The following RAB38 variants were observed in gnomAD, a reference collection of about 807,000 sequenced individuals.
The protein encoded by RAB38 is ras-related protein Rab-38.
A neutral mutation model predicts 18.4 loss-of-function variants in RAB38; 15 were observed. The ratio of observed to expected loss-of-function variants is 0.82; its 90% CI spans 0.55 to 1.26. RAB38 has a LOEUF of 1.26. Ranked by LOEUF, RAB38 falls within the 50% of genes most tolerant of loss-of-function variation. The probability of loss-of-function intolerance (pLI) is 0.00; values close to 1 mark genes in which losing one functional copy is unlikely to be tolerated. For synonymous variants in RAB38, 101 were observed against 104.4 expected (o/e 0.97, Z 0.20); for missense variants, 294 against 267.4 (o/e 1.10, Z -0.69).
chr11:88,135,025 C>G (rs1053251738), intron 2 of RAB38, among the ~76,000 whole-genome samples: 2 of 152,162 alleles, frequency 1.3e-5, no homozygotes, highest in African/African-American at 4.8e-5. Context: ...CATGCTATAC[C>G]CACTTCCTCG....
intron 2 of RAB38, among the ~76,000 whole-genome samples, chr11:88,134,997 T>G (rs936257901): frequency 2.6e-5 from 4 of 152,230 alleles, no homozygotes; most frequent in African/African-American, 9.6e-5. Context: ...TGTCAATTCC[T>G]GCCAGAGTGC....
the RAB38 span, among the ~76,000 whole-genome samples, chr11:88,065,451 G>A: frequency 1.3e-5 from 2 of 152,166 alleles, no homozygotes; most frequent in African/African-American, 4.8e-5. Flanking sequence ...CAGAGAAAAT[G>A]TCTAGCTGTA....
At chr11:87,888,486 C>T in the RAB38 span, among the ~76,000 whole-genome samples, 1 of 151,924 alleles carries the variant, frequency 6.6e-6, no homozygotes, top group Admixed American at 6.6e-5. Context: ...TTCATACTTT[C>T]CTCTGAGCCT....
chr11:88,088,957 A>T, the RAB38 span, among the ~76,000 whole-genome samples: 30 of 150,326 alleles, frequency 2.0e-4, no homozygotes, highest in Non-Finnish European at 3.4e-4. Flanking sequence ...CAAAAAAAAA[A>T]GAGCTAAAGG....
chr11:88,073,584 T>C, the RAB38 span, among the ~76,000 whole-genome samples: 683 of 152,076 alleles, frequency 4.5e-3, 2 homozygotes, highest in African/African-American at 0.016. Context: ...CAGACATAGA[T>C]TACTGGAATA....
chr11:88,084,323 G>T, the RAB38 span, among the ~76,000 whole-genome samples: 1 of 151,562 alleles, frequency 6.6e-6, no homozygotes, highest in South Asian at 2.1e-4. Flanking sequence ...TAAAAAAAAA[G>T]TAAAGTTATG....
At chr11:87,927,302 C>T in the RAB38 span, among the ~76,000 whole-genome samples, 4 of 151,976 alleles carry the variant, frequency 2.6e-5, no homozygotes, top group African/African-American at 9.7e-5. Context: ...TCAATATAGG[C>T]TTGATAAATA....
the RAB38 span, among the ~76,000 whole-genome samples, chr11:87,834,944 T>A: frequency 6.6e-6 from 1 of 152,178 alleles, no homozygotes; most frequent in East Asian, 1.9e-4. Context: ...TCCAGAAACT[T>A]GTCAATGTGT....
chr11:88,026,424 G>A, the RAB38 span, among the ~76,000 whole-genome samples: 30 of 151,800 alleles, frequency 2.0e-4, no homozygotes, highest in Admixed American at 9.8e-4. Context: ...TTAGCTGGGC[G>A]TGGTGGAGGG....
At chr11:87,872,345 A>G in the RAB38 span, among the ~76,000 whole-genome samples, 5 of 151,706 alleles carry the variant, frequency 3.3e-5, no homozygotes, top group South Asian at 2.1e-4. Flanking sequence ...GAAAGTATGA[A>G]TAGTTCCCAT....
chr11:87,909,668 C>T, the RAB38 span, among the ~76,000 whole-genome samples: 1 of 152,034 alleles, frequency 6.6e-6, no homozygotes, highest in African/African-American at 2.4e-5. Flanking sequence ...CTACTTTACC[C>T]AGCATTCATA....
chr11:87,910,681 G>A, the RAB38 span, among the ~76,000 whole-genome samples: 17 of 129,888 alleles, frequency 1.3e-4, no homozygotes, highest in East Asian at 8.3e-4. Flanking sequence ...TCTTTCTGTC[G>A]CCAGCTTGGA....
At chr11:87,957,699 G>T in the RAB38 span, among the ~76,000 whole-genome samples, 2 of 152,054 alleles carry the variant, frequency 1.3e-5, no homozygotes, top group African/African-American at 2.4e-5. Context: ...GACGTTTCTA[G>T]GTTTTATGGT....
chr11:87,973,772 G>A, the RAB38 span, among the ~76,000 whole-genome samples: 1 of 151,692 alleles, frequency 6.6e-6, no homozygotes, highest in Non-Finnish European at 1.5e-5. Context: ...AAATGCCATA[G>A]GTCATTCAAT....
chr11:87,976,433 T>C, the RAB38 span, among the ~76,000 whole-genome samples: 1 of 132,626 alleles, frequency 7.5e-6, no homozygotes, highest in African/African-American at 2.7e-5. Context: ...ATATTATGCA[T>C]TTATATTTTT....
chr11:88,127,117 A>C (rs933518536), intron 2 of RAB38, among the ~76,000 whole-genome samples: 2 of 152,216 alleles, frequency 1.3e-5, no homozygotes, highest in African/African-American at 4.8e-5. Context: ...ATAATACAAA[A>C]GTGTTTCTTA....
At chr11:87,832,994 T>C in the RAB38 span, among the ~76,000 whole-genome samples, 1 of 152,136 alleles carries the variant, frequency 6.6e-6, no homozygotes. Flanking sequence ...CCCAAACCAG[T>C]CTTTCACACG....
At chr11:88,075,712 C>T in the RAB38 span, among the ~76,000 whole-genome samples, 1 of 152,094 alleles carries the variant, frequency 6.6e-6, no homozygotes, top group East Asian at 1.9e-4. Context: ...TAAACCCCAG[C>T]TCTACAAAGA....
At chr11:87,871,826 A>T in the RAB38 span, among the ~76,000 whole-genome samples, 1 of 151,476 alleles carries the variant, frequency 6.6e-6, no homozygotes, top group Non-Finnish European at 1.5e-5. Context: ...TTTTTCCATG[A>T]CTTCTGCGTA....
Sources: allele counts gnomAD v4.1 joint callset (sites outside exome capture counted in the v4.1 genomes callset), GRCh38; gene constraint gnomAD v4.1.1; transcripts MANE v1.5; gene names NCBI Gene and HGNC (gene_info 2026-07-23, HGNC 2026-07-21).